Variants in LRFN4 observed in about 807,000 individuals in gnomAD.
LRFN4 encodes leucine rich repeat and fibronectin type III domain containing 4, also known as leucine-rich repeat and fibronectin type-III domain-containing protein 4.
Under a neutral mutation model 29.0 loss-of-function variants are expected in LRFN4, and 10 were observed. The observed-to-expected ratio is 0.35, with a 90% confidence interval of 0.21 to 0.59. LRFN4 has a LOEUF of 0.59. LRFN4 is among the 20% of genes least tolerant of loss of function. The probability of loss-of-function intolerance (pLI) is 0.82; values close to 1 mark genes in which losing one functional copy is unlikely to be tolerated. For synonymous variants in LRFN4, 493 were observed against 437.0 expected (o/e 1.13, Z -1.60); for missense variants, 850 against 907.9 (o/e 0.94, Z 0.82).
chr11:66,858,163 TCGA>T lies in LRFN4; in HGVS notation c.424_426del (p.Asp142del). 1 of 1,610,844 alleles carries T rather than the reference TCGA, an allele frequency of 6.2e-7. No individual in the cohort carries two copies. The highest frequency in any genetic ancestry group is 8.5e-7 in the Non-Finnish European group (1 of 1,178,848). On this transcript the variant is annotated inframe_deletion, in exon 1 of 2. Coordinates refer to ENST00000309602, the MANE Select transcript of LRFN4 (RefSeq NM_024036.5). The surrounding 1 kb of genome is among the most constrained non-coding windows in gnomAD (Gnocchi z 5.9). Reference sequence around the variant, plus strand: ...CTGGGCCGCATCGCGCCGGGAGCCTTCGACGACTTCCTAGAGAGCCTGGAGGAC... The same window carrying T: ...CTGGGCCGCATCGCGCCGGGAGCCTTCGACTTCCTAGAGAGCCTGGAGGAC...
rs760570067 is a variant in LRFN4, at chr11:66,858,924, C to G, written c.1180C>G (p.Arg394Gly). The G allele has an allele frequency of 1.3e-6, 2 of 1,570,784 alleles. No individual in the cohort carries two copies. The highest frequency in any genetic ancestry group is 1.7e-6 in the Non-Finnish European group (2 of 1,156,470). Residue 394 changes from arginine (R) to glycine (G), a missense_variant, in exon 1 of 2, where the codon CGC becomes GGC. Around this residue, in one of 2 missense-constraint regions of LRFN4, gnomAD observed 744 missense variants for 753.8 expected, o/e 0.99. Transcript: ENST00000309602. This position sits in a 1 kb window ranked among gnomAD's most constrained non-coding sequence, Gnocchi z 5.9. ...GCCCTCGGACATCGCCGCCTCCGCTCGCACTGCTGCCGAGGGTGAGGGGAC... is the reference window on the plus strand; with the variant it reads ...GCCCTCGGACATCGCCGCCTCCGCTGGCACTGCTGCCGAGGGTGAGGGGAC... ...PGPSDIAASA[R>G]TAAEGEGTLE...
At position 66,858,537 on chromosome 11, in the gene LRFN4, G is replaced by A. The variant is rs1245452094; in HGVS notation, c.793G>A (p.Gly265Ser). The change falls in exon 1 of 2, where the codon GGC (glycine) becomes AGC (serine). Residue 265 changes from glycine (G) to serine (S), a missense_variant. Physicochemically the swap from Gly to Ser is moderately conservative, Grantham distance 56 (BLOSUM62 0). This residue lies in a region of LRFN4 where 744 missense variants were observed against 753.8 expected (regional missense o/e 0.99). Coordinates refer to ENST00000309602, the MANE Select transcript of LRFN4 (RefSeq NM_024036.5). The surrounding 1 kb of genome is among the most constrained non-coding windows in gnomAD (Gnocchi z 5.9). ...ETCASPPGLA[G>S]RYFWAVPEGE... The stretch of plus-strand genomic sequence containing the variant: ...GTGCGCCTCCCCGCCCGGCCTGGCC[G>A]GCCGCTACTTCTGGGCAGTGCCCGA... 7 of 1,533,798 alleles carry A rather than the reference G, an allele frequency of 4.6e-6. No homozygotes were observed. The highest frequency in any genetic ancestry group is 6.1e-6 in the Non-Finnish European group (7 of 1,145,346).
chr11:66,860,032 G>A lies in LRFN4; in HGVS notation c.1745G>A (p.Arg582His), dbSNP rs1946152258. The change falls in exon 2 of 2, where the codon CGC becomes CAC. Residue 582 changes from arginine (R) to histidine (H), a missense_variant. This residue lies in a region of LRFN4 where 744 missense variants were observed against 753.8 expected (regional missense o/e 0.99). Coordinates refer to ENST00000309602, the MANE Select transcript of LRFN4 (RefSeq NM_024036.5). ...CGGAGCCCCCCGCCCCGGCCGCAGC[G>A]CAGCTGCTCTCTGGACCTGGGAGAT... ...PPRSPPPRPQRSCSLDLGDAG... is the reference protein window; with the variant it reads ...PPRSPPPRPQHSCSLDLGDAG... 5 of 1,582,890 alleles carry A rather than the reference G, an allele frequency of 3.2e-6. No individual in the cohort carries two copies. Among genetic ancestry groups the A allele is most frequent in the Non-Finnish European group, 4.3e-6 (5 of 1,165,492 alleles).
rs753798727 is a variant in LRFN4, at chr11:66,859,070, C to T, written c.1326C>T (p.Ser442=). ...TGTTCCAAATCCAGTACAACAGCAG[C>T]GAAGATGAGACCCTCATCTACCGGT... is the stretch of plus-strand genomic sequence containing the variant. ...VWMFQIQYNS[S]EDETLIYRIV... Residue 442 remains serine (S), a synonymous_variant, in exon 1 of 2, where the codon AGC becomes AGT. Coordinates refer to ENST00000309602, the MANE Select transcript of LRFN4 (RefSeq NM_024036.5). 5.4e-5 allele frequency: 80 copies of T among 1,491,348 alleles called. No homozygotes were observed. The highest frequency in any genetic ancestry group is 6.2e-5 in the Non-Finnish European group (69 of 1,120,820). The allele number at this position is 1,491,348 out of a possible 1,614,324, so 92.4% of individuals were successfully genotyped here.
Position 66,859,968 on chromosome 11 carries a change from A to G in LRFN4, c.1681A>G (p.Asn561Asp). 1 of 1,601,680 alleles carries G rather than the reference A, an allele frequency of 6.2e-7. No homozygotes were observed. The highest frequency in any genetic ancestry group is 8.5e-7 in the Non-Finnish European group (1 of 1,174,292). ...GCTCAGCCACGTCCAGTCCCAGACC[A>G]ATGGAGGCCCCAGCCCCACACCCAA... ...LKLSHVQSQT[N>D]GGPSPTPKAH... The change falls in exon 2 of 2, where the codon AAT (asparagine) becomes GAT (aspartate). Residue 561 changes from asparagine (N) to aspartate (D), a missense_variant. Physicochemically the swap from Asn to Asp is conservative, Grantham distance 23. Coordinates refer to ENST00000309602, the MANE Select transcript of LRFN4 (RefSeq NM_024036.5).
rs751826324 is a variant in LRFN4, at chr11:66,860,429, C to G, written c.*234C>G. On this transcript the variant is annotated 3_prime_UTR_variant, in exon 2 of 2. Coordinates refer to ENST00000309602, the MANE Select transcript of LRFN4 (RefSeq NM_024036.5). Reference sequence around the variant, plus strand: ...CCGAGGCAGGGGCTGCAGCCACCCACTGGGAGTCTTGTTTTTATTTATAAT... The same window carrying G: ...CCGAGGCAGGGGCTGCAGCCACCCAGTGGGAGTCTTGTTTTTATTTATAAT... The G allele has an allele frequency of 5.7e-5, 40 of 707,644 alleles. No homozygotes were observed. In the South Asian group the frequency reaches 5.8e-4, roughly 10 times the overall value. 43.8% of individuals were successfully genotyped at this position (707,644 alleles called of 1,614,324 possible).
Position 66,858,104 on chromosome 11 carries a change from C to T in LRFN4, c.360C>T (p.Val120=), listed in dbSNP as rs753124954. ...ELGTGSLRGP[V]NLQHLILSGN... ...GCACCGGGAGCCTCCGGGGCCCCGT[C>T]AATCTGCAGCACCTCATCCTCAGCG... The change falls in exon 1 of 2, where the codon GTC becomes GTT. Residue 120 remains valine, a synonymous_variant. Transcript: ENST00000309602. This position sits in a 1 kb window ranked among gnomAD's most constrained non-coding sequence, Gnocchi z 5.9. The T allele has an allele frequency of 3.7e-6, 6 of 1,609,966 alleles. No individual in the cohort carries two copies. In the Admixed American group the frequency reaches 1.0e-4, roughly 27 times the overall value.
At position 66,858,728 on chromosome 11, in the gene LRFN4, C is replaced by G; in HGVS notation, c.984C>G (p.Ala328=). The change falls in exon 1 of 2, where the codon GCC becomes GCG. Residue 328 remains alanine, a synonymous_variant. Transcript: ENST00000309602. This position sits in a 1 kb window ranked among gnomAD's most constrained non-coding sequence, Gnocchi z 5.9. ...DDRLVGNSSR[A]RAFPNGTLEI... is the part of the protein sequence containing the mutation. ...GGTTGGTTGGCAACTCCTCCCGAGC[C>G]CGGGCTTTCCCCAACGGGACCTTAG... 6.4e-7 allele frequency: 1 copy of G among 1,553,452 alleles called. No individual in the cohort carries two copies. Among genetic ancestry groups the G allele is most frequent in the Non-Finnish European group, 8.7e-7 (1 of 1,147,866 alleles).
At position 66,857,452 on chromosome 11, in the gene LRFN4, G is replaced by T; in HGVS notation, c.-293G>T. 1 of 363,582 alleles carries T rather than the reference G, an allele frequency of 2.8e-6. No individual in the cohort carries two copies. Among genetic ancestry groups the T allele is most frequent in the South Asian group, 1.1e-4 (1 of 9,378 alleles). 22.5% of individuals were successfully genotyped at this position (363,582 alleles called of 1,614,324 possible). ...GGGGACGCCTGGGAAAGGAAGTTCC[G>T]GGACCCTCCCTGCTCTCGGTCCTCC... is the stretch of plus-strand genomic sequence containing the variant. On this transcript the variant is annotated 5_prime_UTR_variant, in exon 1 of 2. Transcript: ENST00000309602. The surrounding 1 kb of genome is among the most constrained non-coding windows in gnomAD (Gnocchi z 7.1).
chr11:66,859,725 G>T lies in LRFN4; in HGVS notation c.1438G>T (p.Ala480Ser). The T allele has an allele frequency of 6.2e-7, 1 of 1,611,204 alleles. No homozygotes were observed. The highest frequency in any genetic ancestry group is 8.5e-7 in the Non-Finnish European group (1 of 1,179,188). The stretch of plus-strand genomic sequence containing the variant: ...CCTCTGCCTGCTGGCCTTGTCACCG[G>T]CCGCTGGGCCCTCTGACCTCACGGC... Reference protein sequence around the residue: ...YDLCLLALSPAAGPSDLTATR... With the variant: ...YDLCLLALSPSAGPSDLTATR... Residue 480 changes from alanine to serine, a missense_variant, in exon 2 of 2, where the codon GCC (alanine) becomes TCC (serine). This residue lies in a region of LRFN4 where 744 missense variants were observed against 753.8 expected (regional missense o/e 0.99). Coordinates refer to ENST00000309602, the MANE Select transcript of LRFN4 (RefSeq NM_024036.5).
chr11:66,858,498 G>GACGACCTGGAA lies in LRFN4; in HGVS notation c.758_768dup (p.Cys257ThrfsTer84), dbSNP rs1946017681. On this transcript the variant is annotated frameshift_variant, in exon 1 of 2. Coordinates refer to ENST00000309602, the MANE Select transcript of LRFN4 (RefSeq NM_024036.5). LOFTEE classifies it high-confidence loss of function. This position sits in a 1 kb window ranked among gnomAD's most constrained non-coding sequence, Gnocchi z 5.9. ...GTGGCTGCGGCGGCTGGCGCGGCCG[G>GACGACCTGGAA]ACGACCTGGAAACGTGCGCCTCCCC... The GACGACCTGGAA allele has an allele frequency of 6.5e-7, 1 of 1,537,666 alleles. No individual in the cohort carries two copies. The highest frequency in any genetic ancestry group is 8.7e-7 in the Non-Finnish European group (1 of 1,147,846).
chr11:66,857,625 A>G lies in LRFN4; in HGVS notation c.-120A>G. 1.7e-6 allele frequency: 2 copies of G among 1,176,910 alleles called. No individual in the cohort carries two copies. Among genetic ancestry groups the G allele is most frequent in the Non-Finnish European group, 1.2e-6 (1 of 863,284 alleles). 72.9% of individuals were successfully genotyped at this position (1,176,910 alleles called of 1,614,324 possible). A position where few individuals can be genotyped will look rare whatever the true frequency, so the allele number is the denominator to read the frequency against. ...GGCGGCCCTCTTGGGCCTCTGACCC[A>G]GCCCCTCCCCGGGCCAGGCTCACAG... On this transcript the variant is annotated 5_prime_UTR_variant, in exon 1 of 2. Transcript: ENST00000309602. This position sits in a 1 kb window ranked among gnomAD's most constrained non-coding sequence, Gnocchi z 7.1.
rs1004504517 is a variant in LRFN4 at position 66,859,871 on chromosome 11, T to C, written c.1584T>C (p.Ala528=). 7.0e-6 allele frequency: 11 copies of C among 1,563,934 alleles called. No individual in the cohort carries two copies. Among genetic ancestry groups the C allele is most frequent in the Admixed American group, 3.7e-5 (2 of 54,636 alleles). ...LTVAVGGVLV[A]ALLVFTVALL... The stretch of plus-strand genomic sequence containing the variant: ...TGGCCGTGGGGGGTGTGCTGGTGGC[T>C]GCCTTACTGGTCTTCACTGTGGCCT... The change falls in exon 2 of 2, where the codon GCT becomes GCC. Residue 528 remains alanine, a synonymous_variant. Coordinates refer to ENST00000309602, the MANE Select transcript of LRFN4 (RefSeq NM_024036.5).
At chr11:66,859,181 T>C (rs867320919) in intron 1 of LRFN4, 88 bp downstream of exon 1, 1 of 1,400,252 alleles carries the variant, frequency 7.1e-7, no homozygotes, top group South Asian at 1.6e-5. Context: ...CCACCCCTCC[T>C]CTCTCTGGGG....
At chr11:66,859,393 G>A (rs932183970) in intron 1 of LRFN4, among the ~76,000 whole-genome samples, 2 of 152,174 alleles carry the variant, frequency 1.3e-5, no homozygotes, top group Non-Finnish European at 2.9e-5. Flanking sequence ...CCGCGCCCGC[G>A]TGTTATTTCT....
In LRFN4 at chr11:66,858,857, G is replaced by C; in HGVS notation, c.1113G>C (p.Leu371Phe). 2 of 1,554,290 alleles carry C rather than the reference G, an allele frequency of 1.3e-6. No homozygotes were observed. Among genetic ancestry groups the C allele is most frequent in the Non-Finnish European group, 1.7e-6 (2 of 1,150,032 alleles). The change falls in exon 1 of 2, where the codon TTG becomes TTC. Residue 371 changes from leucine (L) to phenylalanine (F), a missense_variant. Leu to Phe is a conservative substitution (Grantham distance 22). Around this residue, in one of 2 missense-constraint regions of LRFN4, gnomAD observed 744 missense variants for 753.8 expected, o/e 0.99. Coordinates refer to ENST00000309602, the MANE Select transcript of LRFN4 (RefSeq NM_024036.5). This position sits in a 1 kb window ranked among gnomAD's most constrained non-coding sequence, Gnocchi z 5.9. The stretch of plus-strand genomic sequence containing the variant: ...GAGTAGAACTGCGGGTGCTGGCCTT[G>C]CCCCATGGTGGGAACAGCAGTGCCG... ...TARVELRVLA[L>F]PHGGNSSAEG...
Position 66,857,845 on chromosome 11 carries a change from G to A in LRFN4, c.101G>A (p.Cys34Tyr), listed in dbSNP as rs1239879603. 1 of 1,607,566 alleles carries A rather than the reference G, an allele frequency of 6.2e-7. No individual in the cohort carries two copies. Among genetic ancestry groups the A allele is most frequent in the Non-Finnish European group, 8.5e-7 (1 of 1,179,856 alleles). ...CTGTCCGAGTCGCTCAGCACCCTCTGTGCCCACCGAGGCCTGCTGTTTGTG... is the reference window on the plus strand; with the variant it reads ...CTGTCCGAGTCGCTCAGCACCCTCTATGCCCACCGAGGCCTGCTGTTTGTG... ...QNLSESLSTL[C>Y]AHRGLLFVPP... The change falls in exon 1 of 2, where the codon TGT (cysteine) becomes TAT (tyrosine). Residue 34 changes from cysteine (C) to tyrosine (Y), a missense_variant. Cys to Tyr is a radical substitution (Grantham distance 194). Coordinates refer to ENST00000309602, the MANE Select transcript of LRFN4 (RefSeq NM_024036.5). This position sits in a 1 kb window ranked among gnomAD's most constrained non-coding sequence, Gnocchi z 7.1.
At position 66,857,528 on chromosome 11, in the gene LRFN4, T is replaced by G. The variant is rs1591143475; in HGVS notation, c.-217T>G. 1 of 571,502 alleles carries G rather than the reference T, an allele frequency of 1.7e-6. No homozygotes were observed. The highest frequency in any genetic ancestry group is 4.6e-4 in the Middle Eastern group (1 of 2,172). The allele number at this position is 571,502 out of a possible 1,614,324, so 35.4% of individuals were successfully genotyped here. On this transcript the variant is annotated 5_prime_UTR_variant, in exon 1 of 2. Coordinates refer to ENST00000309602, the MANE Select transcript of LRFN4 (RefSeq NM_024036.5). The surrounding 1 kb of genome is among the most constrained non-coding windows in gnomAD (Gnocchi z 7.1). ...TTGTCCCCAGCGCCTGGACTCCCCC[T>G]TAACTGCTTGGGAAATGTGACCTTT... is the stretch of plus-strand genomic sequence containing the variant.
At chr11:66,859,440 C>T (rs1052175474) in intron 1 of LRFN4, among the ~76,000 whole-genome samples, 197 bp from the exon 2 acceptor site, 6 of 152,206 alleles carry the variant, frequency 3.9e-5, no homozygotes, top group African/African-American at 1.2e-4. Context: ...CCATTCCCCT[C>T]GCTTGCCTGC....
Sources: gnomAD v4.1 joint callset for allele counts (sites outside exome capture counted in the v4.1 genomes callset) on GRCh38, gnomAD v4.1.1 for gene constraint, gnomAD v4.1.1 regional missense constraint, Gnocchi (gnomAD v3.1) non-coding constraint, MANE v1.5 for transcripts, NCBI Gene and HGNC (gene_info 2026-07-23, HGNC 2026-07-21) for gene names.